SLC25A26: variants seen among roughly 807,000 people sequenced by gnomAD.
SLC25A26 encodes the protein mitochondrial S-adenosylmethionine carrier protein.
Under a neutral mutation model 37.8 loss-of-function variants are expected in SLC25A26, and 36 were observed. That is an observed-to-expected ratio of 0.95 (90% CI 0.73 to 1.26). SLC25A26 has a LOEUF of 1.26. Ranked by LOEUF, SLC25A26 falls within the 50% of genes most tolerant of loss-of-function variation. The probability of loss-of-function intolerance (pLI) is 0.00; values close to 1 mark genes in which losing one functional copy is unlikely to be tolerated. For missense variants in SLC25A26, 390 were observed against 331.1 expected (o/e 1.18, Z -1.38); for synonymous variants, 129 against 122.5 (o/e 1.05, Z -0.35).
chr3:66,193,358 C>CA (rs1318135465), intron 1 of SLC25A26, among the ~76,000 whole-genome samples: 3 of 151,916 alleles, frequency 2.0e-5, no homozygotes, highest in African/African-American at 7.3e-5. Context: ...CTTTTTTTGT[C>CA]AACAAATTGT....
intron 1 of SLC25A26, among the ~76,000 whole-genome samples, chr3:66,153,558 G>T (rs1277404846): frequency 2.0e-5 from 3 of 152,320 alleles, no homozygotes; most frequent in Admixed American, 1.3e-4. Flanking sequence ...TGCAGACCGC[G>T]CTTTGAGAAA....
intron 1 of SLC25A26, among the ~76,000 whole-genome samples, chr3:66,225,633 C>A (rs1361999466): frequency 1.3e-5 from 2 of 152,190 alleles, no homozygotes; most frequent in African/African-American, 2.4e-5. Flanking sequence ...CTGCAGCCAG[C>A]TTGAATTTTT....
intron 8 of SLC25A26, among the ~76,000 whole-genome samples, chr3:66,370,066 AC>A (rs1220892905): frequency 6.6e-6 from 1 of 152,244 alleles, no homozygotes; most frequent in Non-Finnish European, 1.5e-5. Context: ...GAAAAGTAGA[AC>A]AAATAATGGG....
chr3:66,221,745 A>G (rs905602596), intron 1 of SLC25A26, among the ~76,000 whole-genome samples: 16 of 150,882 alleles, frequency 1.1e-4, no homozygotes, highest in Admixed American at 9.3e-4. Context: ...GAATTAACAG[A>G]AAAAAAAGTC....
At chr3:66,239,375 G>C (rs2072458922) in intron 2 of SLC25A26, among the ~76,000 whole-genome samples, 1 of 151,326 alleles carries the variant, frequency 6.6e-6, no homozygotes, top group African/African-American at 2.4e-5. Flanking sequence ...AAATGTCCTT[G>C]GTGACATTTT....
chr3:66,337,938 A>C (rs1187564897), intron 5 of SLC25A26, among the ~76,000 whole-genome samples: 2 of 152,014 alleles, frequency 1.3e-5, no homozygotes, highest in Admixed American at 1.3e-4. Flanking sequence ...AAATGCACAA[A>C]TTATATATGT....
At chr3:66,332,420 ATAG>A (rs2075998393) in intron 5 of SLC25A26, among the ~76,000 whole-genome samples, 1 of 152,218 alleles carries the variant, frequency 6.6e-6, no homozygotes, top group African/African-American at 2.4e-5. Context: ...ATAACAATTA[ATAG>A]TACTCATTTA....
At chr3:66,257,643 G>A (rs894487660) in intron 3 of SLC25A26, among the ~76,000 whole-genome samples, 2 of 152,028 alleles carry the variant, frequency 1.3e-5, no homozygotes, top group Non-Finnish European at 2.9e-5. Flanking sequence ...TCACTTCTTT[G>A]CTAGATTATC....
At chr3:66,201,476 G>A (rs2071109281) in intron 1 of SLC25A26, among the ~76,000 whole-genome samples, 1 of 151,942 alleles carries the variant, frequency 6.6e-6, no homozygotes, top group African/African-American at 2.4e-5. Flanking sequence ...TGTGACTATG[G>A]GCACGTGCCA....
intron 1 of SLC25A26, among the ~76,000 whole-genome samples, chr3:66,144,826 C>G (rs79286059): frequency 6.6e-6 from 1 of 152,128 alleles, no homozygotes; most frequent in Non-Finnish European, 1.5e-5. Context: ...GACTTCAAAA[C>G]TCTAATAATC....
chr3:66,285,240 A>G (rs78217114), intron 5 of SLC25A26, among the ~76,000 whole-genome samples: 2 of 152,130 alleles, frequency 1.3e-5, no homozygotes. Flanking sequence ...TCAAAGAAAG[A>G]TTGCTATCCA....
chr3:66,150,954 A>T (rs1177281148), intron 1 of SLC25A26, among the ~76,000 whole-genome samples: 1 of 151,346 alleles, frequency 6.6e-6, no homozygotes, highest in African/African-American at 2.4e-5. Context: ...GGAATGGGGG[A>T]CACATGGGGC....
intron 2 of SLC25A26, among the ~76,000 whole-genome samples, chr3:66,237,919 A>G (rs148634203): frequency 2.1e-3 from 314 of 152,366 alleles, no homozygotes; most frequent in African/African-American, 7.1e-3. Flanking sequence ...TAGCATTCAC[A>G]TAAAGGTTTG....
At chr3:66,296,994 G>A (rs1440990576) in intron 5 of SLC25A26, among the ~76,000 whole-genome samples, 1 of 152,202 alleles carries the variant, frequency 6.6e-6, no homozygotes, top group Non-Finnish European at 1.5e-5. Context: ...TCCAATGGTG[G>A]AAGCCTCCCA....
At chr3:66,220,856 G>A, upstream of SLC25A26, 8 of 571,052 alleles carry the variant, frequency 1.4e-5, no homozygotes, top group Non-Finnish European at 2.5e-5. Context: ...GCAGGAAACC[G>A]AGGTAAGGGA....
At chr3:66,271,787 C>T (rs1041249575) in intron 5 of SLC25A26, among the ~76,000 whole-genome samples, 3 of 152,048 alleles carry the variant, frequency 2.0e-5, no homozygotes, top group Non-Finnish European at 2.9e-5. Flanking sequence ...TGTGGGCATC[C>T]ATCGTTGTTA....
chr3:66,290,258 A>T (rs2074659477), intron 5 of SLC25A26, among the ~76,000 whole-genome samples: 2 of 152,174 alleles, frequency 1.3e-5, no homozygotes, highest in South Asian at 2.1e-4. Context: ...TGTCATCTGC[A>T]AACAGAGACA....
rs1491076569 is a variant in SLC25A26, at chr3:66,182,718, G to GC, written c.-353-38024_-353-38023insC. On this transcript the variant is annotated intron_variant, in intron 1 of 10. Coordinates refer to the SLC25A26 transcript ENST00000676754. Reference sequence around the variant, plus strand: ...CGGCCTCAACCTGCAGTGGGCGGCGGGGGGGGGGGGTGGGGTATCAGTAGA... The same window carrying GC: ...CGGCCTCAACCTGCAGTGGGCGGCGGCGGGGGGGGGGTGGGGTATCAGTAGA... Among the ~76,000 whole-genome samples, 4 of 13,542 alleles carry GC rather than the reference G, an allele frequency of 3.0e-4. No homozygotes were observed. In the African/African-American group the frequency reaches 3.4e-3, roughly 11 times the overall value. 8.9% of individuals were successfully genotyped at this position (13,542 alleles called of 152,430 possible).
chr3:66,200,232 C>T (rs1458192020), intron 1 of SLC25A26, among the ~76,000 whole-genome samples: 1 of 152,310 alleles, frequency 6.6e-6, no homozygotes, highest in South Asian at 2.1e-4. Context: ...CAAACTGATT[C>T]TAGCACCCTA....
Sources: gnomAD v4.1 joint callset for allele counts (sites outside exome capture counted in the v4.1 genomes callset) on GRCh38, gnomAD v4.1.1 for gene constraint, MANE v1.5 for transcripts, NCBI Gene and HGNC (gene_info 2026-07-23, HGNC 2026-07-21) for gene names.